The following RSRC1 variants were observed in gnomAD, a reference collection of about 807,000 sequenced individuals.
The protein encoded by RSRC1 is arginine and serine rich coiled-coil 1.
In RSRC1, 39 loss-of-function variants were observed where a neutral mutation model predicts 49.1. That is an observed-to-expected ratio of 0.79 (90% CI 0.61 to 1.04). The LOEUF (loss-of-function observed/expected upper bound fraction) is 1.04, where lower values mean the gene tolerates loss of function less well. Among genes scored for constraint, RSRC1 ranks in the 50% least tolerant of loss-of-function variants. The pLI, the probability that RSRC1 is intolerant of heterozygous loss-of-function variation, is 0.00. For synonymous variants in RSRC1, 143 were observed against 130.8 expected (o/e 1.09, Z -0.63); for missense variants, 388 against 402.4 (o/e 0.96, Z 0.31).
intron 5 of RSRC1, among the ~76,000 whole-genome samples, chr3:158,300,263 C>T (rs566986898): frequency 1.3e-5 from 2 of 152,246 alleles, no homozygotes; most frequent in African/African-American, 4.8e-5. Flanking sequence ...TGCATTTTAT[C>T]TTAGTTGTTT....
intron 4 of RSRC1, among the ~76,000 whole-genome samples, chr3:158,246,372 A>C (rs931789800): frequency 1.4e-5 from 2 of 147,588 alleles, no homozygotes; most frequent in Non-Finnish European, 3.0e-5. Context: ...CGTTGTGCAC[A>C]TGTACCTTAA....
rs373409398 is a variant in RSRC1, at chr3:158,145,249, G to C, written c.320+21258G>C. On this transcript the variant is annotated intron_variant, in intron 3 of 9. Coordinates refer to ENST00000611884, the MANE Select transcript of RSRC1 (RefSeq NM_001271838.2). ...GGTATTGCCTAGGTTTTCTTCTAGG[G>C]TTTTTCTGGTTTTAGATCTAAGGTT... is the stretch of plus-strand genomic sequence containing the variant. Among the ~76,000 whole-genome samples the C allele has an allele frequency of 6.4e-4, 97 of 152,236 alleles. 1 individual carries two copies. In the South Asian group the frequency reaches 0.019, roughly 30 times the overall value.
intron 7 of RSRC1, among the ~76,000 whole-genome samples, chr3:158,535,376 TATAAA>T (rs1216045128): frequency 2.0e-5 from 3 of 151,406 alleles, no homozygotes; most frequent in African/African-American, 7.3e-5. Flanking sequence ...GATGTACAAA[TATAAA>T]ATAAAAGACT....
chr3:158,348,131 A>T (rs187611572), intron 5 of RSRC1, among the ~76,000 whole-genome samples: 1 of 152,310 alleles, frequency 6.6e-6, no homozygotes, highest in African/African-American at 2.4e-5. Flanking sequence ...GGTGAGTCAC[A>T]GTCTTTTGTT....
chr3:158,498,008 GA>G (rs1739428194), intron 7 of RSRC1, among the ~76,000 whole-genome samples: 1 of 152,116 alleles, frequency 6.6e-6, no homozygotes, highest in Admixed American at 6.5e-5. Flanking sequence ...TTGCACTTAT[GA>G]ATTGTGCTGC....
chr3:158,475,447 A>G (rs1336304370), intron 7 of RSRC1, among the ~76,000 whole-genome samples: 1 of 152,176 alleles, frequency 6.6e-6, no homozygotes, highest in Admixed American at 6.5e-5. Flanking sequence ...TTTTTTACAG[A>G]TTGAAGGTTT....
chr3:158,505,960 C>T (rs1739841942), intron 7 of RSRC1, among the ~76,000 whole-genome samples: 1 of 152,110 alleles, frequency 6.6e-6, no homozygotes, highest in South Asian at 2.1e-4. Context: ...GATTTACAAA[C>T]ATTTCTTTAA....
intron 3 of RSRC1, among the ~76,000 whole-genome samples, chr3:158,183,723 CAT>C (rs1272102109): frequency 2.0e-5 from 3 of 151,956 alleles, no homozygotes; most frequent in Non-Finnish European, 4.4e-5. Context: ...TCAAGACTAA[CAT>C]AGGCAGCATA....
At chr3:158,499,106 G>T (rs1049430647) in intron 7 of RSRC1, among the ~76,000 whole-genome samples, 4 of 152,028 alleles carry the variant, frequency 2.6e-5, no homozygotes, top group African/African-American at 9.7e-5. Flanking sequence ...GGCTGGGCGC[G>T]GTGGCTCACA....
At chr3:158,122,543 T>C (rs1465484513) in intron 2 of RSRC1, among the ~76,000 whole-genome samples, 1 of 151,694 alleles carries the variant, frequency 6.6e-6, no homozygotes, top group African/African-American at 2.4e-5. Context: ...TAATTTAATT[T>C]AATTTTTTTT....
At chr3:158,364,433 A>G (rs933332261) in intron 6 of RSRC1, among the ~76,000 whole-genome samples, 6 of 152,076 alleles carry the variant, frequency 3.9e-5, no homozygotes, top group South Asian at 2.1e-4. Context: ...TTTTTCCCCT[A>G]TATAGGCTTA....
intron 3 of RSRC1, among the ~76,000 whole-genome samples, chr3:158,170,975 A>G (rs971118062): frequency 1.3e-5 from 2 of 152,136 alleles, no homozygotes; most frequent in Non-Finnish European, 2.9e-5. Context: ...AGAAAAAACC[A>G]TCCTTTTTTG....
chr3:158,200,999 G>A (rs1289859009), intron 3 of RSRC1, among the ~76,000 whole-genome samples: 1 of 151,942 alleles, frequency 6.6e-6, no homozygotes, highest in African/African-American at 2.4e-5. Flanking sequence ...TTCCTTTTCA[G>A]CCTGAAGAAC....
chr3:158,414,392 G>T (rs1313993043), intron 6 of RSRC1, among the ~76,000 whole-genome samples: 1 of 152,022 alleles, frequency 6.6e-6, no homozygotes, highest in African/African-American at 2.4e-5. Flanking sequence ...ACACACTGGG[G>T]CCTGTCGGGG....
chr3:158,257,373 A>G (rs764785154), intron 4 of RSRC1, among the ~76,000 whole-genome samples: 1 of 152,072 alleles, frequency 6.6e-6, no homozygotes, highest in Non-Finnish European at 1.5e-5. Context: ...CTTTTGCGGT[A>G]TTGACCTCTT....
chr3:158,436,413 T>A (rs890811528), intron 6 of RSRC1, among the ~76,000 whole-genome samples: 3 of 151,726 alleles, frequency 2.0e-5, no homozygotes, highest in Admixed American at 6.6e-5. Flanking sequence ...ACTTTAAAAA[T>A]ATATATATAT....
chr3:158,440,262 G>T (rs1165767081), intron 6 of RSRC1, among the ~76,000 whole-genome samples: 1 of 151,950 alleles, frequency 6.6e-6, no homozygotes, highest in Non-Finnish European at 1.5e-5. Context: ...AGAACCACTT[G>T]GTGAAGGATC....
chr3:158,425,841 A>C (rs774475120), intron 6 of RSRC1, among the ~76,000 whole-genome samples: 5 of 151,780 alleles, frequency 3.3e-5, no homozygotes, highest in African/African-American at 4.8e-5. Context: ...TTGAATAGCA[A>C]ATTGCCAAGT....
At chr3:158,344,116 G>A (rs1028649875) in intron 5 of RSRC1, among the ~76,000 whole-genome samples, 4 of 152,104 alleles carry the variant, frequency 2.6e-5, no homozygotes, top group East Asian at 3.9e-4. Context: ...AAAATTAGCC[G>A]GGCATGGTGC....
Sources: gnomAD v4.1 joint callset for allele counts (sites outside exome capture counted in the v4.1 genomes callset) on GRCh38, gnomAD v4.1.1 for gene constraint, MANE v1.5 for transcripts, NCBI Gene and HGNC (gene_info 2026-07-23, HGNC 2026-07-21) for gene names.